The following RAB11FIP5 variants were observed in gnomAD, a reference collection of about 807,000 sequenced individuals.
RAB11FIP5 encodes rab11 family-interacting protein 5.
RAB11FIP5 carries 48 observed loss-of-function variants against 85.1 expected under a neutral mutation model. The observed-to-expected ratio is 0.56, with a 90% CI of 0.45 to 0.72. The LOEUF (loss-of-function observed/expected upper bound fraction) is 0.72, where lower values mean the gene tolerates loss of function less well. Among genes scored for constraint, RAB11FIP5 ranks in the 30% least tolerant of loss-of-function variants. The pLI, the probability that RAB11FIP5 is intolerant of heterozygous loss-of-function variation, is 0.00. For synonymous variants in RAB11FIP5, 729 were observed against 727.3 expected, an observed-to-expected ratio of 1.00 and a Z score of -0.04; for missense variants, 1,491 against 1,687.0, an observed-to-expected ratio of 0.88 and a Z score of 2.04.
chr2:73,079,309 A>T (rs954786427), intron 4 of RAB11FIP5, among the ~76,000 whole-genome samples: 2 of 151,202 alleles, frequency 1.3e-5, no homozygotes, highest in South Asian at 4.2e-4. Flanking sequence ...GAGTGCACAC[A>T]CTCCAGAAGG....
At chr2:73,084,843 G>A (rs1684062896) in intron 3 of RAB11FIP5, among the ~76,000 whole-genome samples, 1 of 152,178 alleles carries the variant, frequency 6.6e-6, no homozygotes, top group South Asian at 2.1e-4. Flanking sequence ...TTGGAGGCAC[G>A]TTCATCTCTA....
At chr2:73,105,583 C>A (rs1484524744) in intron 1 of RAB11FIP5, among the ~76,000 whole-genome samples, 2 of 152,056 alleles carry the variant, frequency 1.3e-5, no homozygotes, top group Non-Finnish European at 2.9e-5. Flanking sequence ...CAGTGACTCC[C>A]TCCCAAAGTA....
chr2:73,106,503 TCCC>T (rs1684529388), intron 1 of RAB11FIP5, among the ~76,000 whole-genome samples: 1 of 151,918 alleles, frequency 6.6e-6, no homozygotes, highest in South Asian at 2.1e-4. Flanking sequence ...TTGGAATCTC[TCCC>T]CCACCAGTGG....
In RAB11FIP5 at chr2:73,086,123, G is replaced by C. The variant is rs1278748376; in HGVS notation, c.1568+1927C>G. The stretch of plus-strand genomic sequence containing the variant: ...CAGGATGCTGCTGATTGAGCTCAAA[G>C]GCCAGGTGTCACATCTGTCCAGGCC... On this transcript the variant is annotated intron_variant, in intron 3 of 5. Transcript: ENST00000486777. The surrounding 1 kb of genome is among the most constrained non-coding windows in gnomAD (Gnocchi z 4.4). 6.6e-6 allele frequency among the ~76,000 whole-genome samples: 1 copy of C among 152,152 alleles called. No homozygotes were observed. The highest frequency in any genetic ancestry group is 1.5e-5 in the Non-Finnish European group (1 of 68,000).
chr2:73,083,688 C>T (rs1684042575), intron 3 of RAB11FIP5, among the ~76,000 whole-genome samples: 1 of 152,184 alleles, frequency 6.6e-6, no homozygotes, highest in Admixed American at 6.5e-5. Context: ...AGCCCCAGGC[C>T]AAGGCACACA....
intron 3 of RAB11FIP5, among the ~76,000 whole-genome samples, chr2:73,083,945 T>C (rs1296533161): frequency 6.6e-6 from 1 of 152,184 alleles, no homozygotes; most frequent in Non-Finnish European, 1.5e-5. Flanking sequence ...GCACTACGCT[T>C]AACTCTGCCC....
Position 73,089,882 on chromosome 2 carries a change from T to TACACACACACAC in RAB11FIP5, c.432-579_432-568dup, listed in dbSNP as rs58907775. Among the ~76,000 whole-genome samples the TACACACACACAC allele has an allele frequency of 1.1e-4, 16 of 148,126 alleles. No individual in the cohort carries two copies. Among genetic ancestry groups the TACACACACACAC allele is most frequent in the African/African-American group, 4.0e-4 (16 of 40,146 alleles). On this transcript the variant is annotated intron_variant, in intron 1 of 5. Coordinates refer to ENST00000486777, the MANE Select transcript of RAB11FIP5 (RefSeq NM_001371272.1). The surrounding 1 kb of genome is among the most constrained non-coding windows in gnomAD (Gnocchi z 4.6). ...GCTAGTGCATACACTCATGTATGTATACACACACACACACACACACACACA... is the reference window on the plus strand; with the variant it reads ...GCTAGTGCATACACTCATGTATGTATACACACACACACACACACACACACACACACACACACA...
At chr2:73,101,608 C>T (rs950261271) in intron 1 of RAB11FIP5, among the ~76,000 whole-genome samples, 1 of 152,120 alleles carries the variant, frequency 6.6e-6, no homozygotes, top group African/African-American at 2.4e-5. Context: ...TAGACTCCTG[C>T]GGAGGTCAGA....
In RAB11FIP5 at chr2:73,089,412, A is replaced by T. The variant is rs3901273; in HGVS notation, c.432-97T>A. ...ACTGCCCAGACCCCTCCTTGCTCTG[A>T]GAGCCACTGATAGCCTCTCCCCAAA... On this transcript the variant is annotated intron_variant, in intron 1 of 5. Transcript: ENST00000486777. This position sits in a 1 kb window ranked among gnomAD's most constrained non-coding sequence, Gnocchi z 4.6. 324,580 of 1,278,222 alleles carry T rather than the reference A, an allele frequency of 0.25. 46,587 individuals carry two copies. Among genetic ancestry groups the T allele is most frequent in the East Asian group, 0.56 (24,375 of 43,400 alleles). 79.2% of individuals were successfully genotyped at this position (1,278,222 alleles called of 1,614,324 possible).
rs1179774530 is a variant in RAB11FIP5, at chr2:73,086,122, AG to A, written c.1568+1927del. ...CCAGGATGCTGCTGATTGAGCTCAA[AG>A]GCCAGGTGTCACATCTGTCCAGGCC... On this transcript the variant is annotated intron_variant, in intron 3 of 5. Coordinates refer to ENST00000486777, the MANE Select transcript of RAB11FIP5 (RefSeq NM_001371272.1). This position sits in a 1 kb window ranked among gnomAD's most constrained non-coding sequence, Gnocchi z 4.4. 8.5e-5 allele frequency among the ~76,000 whole-genome samples: 13 copies of A among 152,140 alleles called. No homozygotes were observed. Among genetic ancestry groups the A allele is most frequent in the Non-Finnish European group, 1.8e-4 (12 of 68,026 alleles).
chr2:73,112,945 C>T lies in RAB11FIP5; in HGVS notation c.-168G>A, dbSNP rs979485953. 48 of 364,476 alleles carry T rather than the reference C, an allele frequency of 1.3e-4. No individual in the cohort carries two copies. The highest frequency in any genetic ancestry group is 1.0e-3 in the African/African-American group (47 of 45,700). The allele number at this position is 364,476 out of a possible 1,614,324, so 22.6% of individuals were successfully genotyped here. On this transcript the variant is annotated 5_prime_UTR_variant, in exon 1 of 6. Transcript: ENST00000486777. ...CCGCCGCCTCCCCGCCTCACCGGGC[C>T]GCTGGCCGCGGGCCGCGCCGCGACG...
chr2:73,097,195 G>A (rs534198686), intron 1 of RAB11FIP5, among the ~76,000 whole-genome samples: 7 of 152,060 alleles, frequency 4.6e-5, no homozygotes, highest in Non-Finnish European at 7.3e-5. Flanking sequence ...GTGCCACCCC[G>A]CCTGGCTAAT....
At position 73,107,027 on chromosome 2, in the gene RAB11FIP5, G is replaced by A. The variant is rs113873775; in HGVS notation, c.431+5320C>T. Among the ~76,000 whole-genome samples the A allele has an allele frequency of 1.9e-3, 283 of 152,276 alleles. 2 individuals are homozygous for A. The highest frequency in any genetic ancestry group is 5.2e-3 in the African/African-American group (217 of 41,570). On this transcript the variant is annotated intron_variant, in intron 1 of 5. Coordinates refer to ENST00000486777, the MANE Select transcript of RAB11FIP5 (RefSeq NM_001371272.1). The stretch of plus-strand genomic sequence containing the variant: ...ACAGAGGCCTCATGTGGCCAGCCAA[G>A]TCCCTCTCCTCTCTGGCCACCATTG...
Position 73,088,614 on chromosome 2 carries a change from G to A in RAB11FIP5, c.1004C>T (p.Ser335Leu), listed in dbSNP as rs758350122. 29 of 1,613,322 alleles carry A rather than the reference G, an allele frequency of 1.8e-5. No homozygotes were observed. The highest frequency in any genetic ancestry group is 1.8e-4 in the East Asian group (8 of 44,892). ...QGHLDAASRS[S>L]LCVNGSHIYN... is the part of the protein sequence containing the mutation. ...AATGTGGCTCCCATTGACACAGAGCGAAGAGCGGGAGGCAGCATCCAGGTG... is the reference window on the plus strand; with the variant it reads ...AATGTGGCTCCCATTGACACAGAGCAAAGAGCGGGAGGCAGCATCCAGGTG... Residue 335 changes from serine (S) to leucine (L), a missense_variant, in exon 3 of 6, where the codon TCG becomes TTG. Ser to Leu is a moderately radical substitution (Grantham distance 145). Around this residue, in one of 3 missense-constraint regions of RAB11FIP5, gnomAD observed 1,211 missense variants for 1,338.0 expected, o/e 0.91. Transcript: ENST00000486777.
In RAB11FIP5 at chr2:73,095,895, CTGAGA is replaced by C. The variant is rs975625833; in HGVS notation, c.432-6585_432-6581del. Among the ~76,000 whole-genome samples the C allele has an allele frequency of 7.4e-4, 113 of 152,322 alleles. 1 individual carries two copies. Among genetic ancestry groups the C allele is most frequent in the African/African-American group, 2.7e-3 (113 of 41,560 alleles). On this transcript the variant is annotated intron_variant, in intron 1 of 5. Coordinates refer to ENST00000486777, the MANE Select transcript of RAB11FIP5 (RefSeq NM_001371272.1). ...TGGCACAATCCCAGAGCACAGAGCC[CTGAGA>C]TGCCACTGAGGGGACCTCAGGGTTT...
Position 73,079,830 on chromosome 2 carries a change from C to T in RAB11FIP5, c.3402G>A (p.Leu1134=). ...CCCCTGGTGGTGCAGAGGAGGTAGT[C>T]AGGGGCCAGGCTTCAGACAGGGGAG... ...PCSPLSEAWP[L]TTSSAPPGEP... The change falls in exon 4 of 6, where the codon CTG becomes CTA. Residue 1134 remains leucine (L), a synonymous_variant. Transcript: ENST00000486777. 8.1e-7 allele frequency: 1 copy of T among 1,232,270 alleles called. No homozygotes were observed. Among genetic ancestry groups the T allele is most frequent in the Non-Finnish European group, 1.0e-6 (1 of 988,122 alleles). The allele number at this position is 1,232,270 out of a possible 1,614,324, so 76.3% of individuals were successfully genotyped here.
Position 73,082,037 on chromosome 2 carries a change from TC to T in RAB11FIP5, c.1569-375del, listed in dbSNP as rs1276559033. On this transcript the variant is annotated intron_variant, in intron 3 of 5. Transcript: ENST00000486777. Reference sequence around the variant, plus strand: ...AAAACTAATCTGAAAGCGCCTTACATCCCTTTTTTTTTTTTTTTTTTTGAGA... The same window carrying T: ...AAAACTAATCTGAAAGCGCCTTACATCCTTTTTTTTTTTTTTTTTTTGAGA... 1.3e-4 allele frequency among the ~76,000 whole-genome samples: 17 copies of T among 135,158 alleles called. No individual in the cohort carries two copies. The East Asian group carries it at 4.1e-3, about 33-fold the overall frequency. 88.7% of individuals were successfully genotyped at this position (135,158 alleles called of 152,430 possible). A position where few individuals can be genotyped will look rare whatever the true frequency, so the allele number is the denominator to read the frequency against.
At chr2:73,091,456 TAC>T (rs149847289) in intron 1 of RAB11FIP5, among the ~76,000 whole-genome samples, 15 of 149,126 alleles carry the variant, frequency 1.0e-4, no homozygotes, top group Non-Finnish European at 1.6e-4. Context: ...CACACACACA[TAC>T]ACACACACAC....
Position 73,075,555 on chromosome 2 carries a change from G to A in RAB11FIP5, c.3941C>T (p.Thr1314Met), listed in dbSNP as rs547972838. 21 of 1,614,120 alleles carry A rather than the reference G, an allele frequency of 1.3e-5. No individual in the cohort carries two copies. In the East Asian group the frequency reaches 1.3e-4, roughly 10 times the overall value. The change falls in exon 6 of 6, where the codon ACG becomes ATG. Residue 1314 changes from threonine to methionine, a missense_variant. Transcript: ENST00000486777. The surrounding 1 kb of genome is among the most constrained non-coding windows in gnomAD (Gnocchi z 4.6). ...LLVRIMETSPTLLQIPPGPPK is the reference protein window; with the variant it reads ...LLVRIMETSPMLLQIPPGPPK The stretch of plus-strand genomic sequence containing the variant: ...GGGGCCCGGGGGGATCTGCAGCAGC[G>A]TGGGTGAGGTCTCCATGATCCGCAC...
Sources: gnomAD v4.1 joint callset for allele counts (sites outside exome capture counted in the v4.1 genomes callset) on GRCh38, gnomAD v4.1.1 for gene constraint, gnomAD v4.1.1 regional missense constraint, Gnocchi (gnomAD v3.1) non-coding constraint, MANE v1.5 for transcripts, NCBI Gene and HGNC (gene_info 2026-07-23, HGNC 2026-07-21) for gene names.